The following DDX42 variants were observed in gnomAD, a reference collection of about 807,000 sequenced individuals.
DDX42 encodes ATP-dependent RNA helicase DDX42.
In DDX42, 22 loss-of-function variants were observed where a neutral mutation model predicts 101.5. The observed-to-expected ratio is 0.22, with a 90% CI of 0.15 to 0.31. DDX42 has a LOEUF of 0.31. DDX42 is among the 10% of genes least tolerant of loss of function. DDX42 has a pLI of 1.00. For synonymous variants in DDX42, 402 were observed against 401.2 expected (o/e 1.00, Z -0.02); for missense variants, 849 against 1,199.9 (o/e 0.71, Z 4.32).
At chr17:63,804,484 G>A (rs891555656) in intron 6 of DDX42, among the ~76,000 whole-genome samples, 3 of 152,128 alleles carry the variant, frequency 2.0e-5, no homozygotes, top group African/African-American at 7.2e-5. Flanking sequence ...CCCTCTAAAA[G>A]CAGAGCTATC....
chr17:63,775,848 A>AT (rs2039414704), intron 1 of DDX42, among the ~76,000 whole-genome samples: 1 of 152,218 alleles, frequency 6.6e-6, no homozygotes, highest in African/African-American at 2.4e-5. Flanking sequence ...ACAATTTAAT[A>AT]TAAGAGAGGA....
chr17:63,795,091 GA>G (rs1389854518), intron 3 of DDX42, among the ~76,000 whole-genome samples: 11 of 152,132 alleles, frequency 7.2e-5, no homozygotes, highest in Admixed American at 5.2e-4. Flanking sequence ...GTTTGGCCTA[GA>G]CATTGCTTTT....
intron 11 of DDX42, 140 bp downstream of exon 11, chr17:63,809,799 GA>G (rs1279907095): frequency 1.6e-6 from 1 of 634,274 alleles, no homozygotes; most frequent in Non-Finnish European, 2.7e-6. Flanking sequence ...ATATAGCTAA[GA>G]TGAACATTTT....
Position 63,813,440 on chromosome 17 carries a change from G to A in DDX42, c.1888G>A (p.Asp630Asn). ...ANQHVSKELL[D>N]LAMQNAWFRK... ...TCAACACGTTTCTAAGGAACTCCTAGATCTGGCAATGCAGGTGAGGGGCTG... is the reference window on the plus strand; with the variant it reads ...TCAACACGTTTCTAAGGAACTCCTAAATCTGGCAATGCAGGTGAGGGGCTG... Residue 630 changes from aspartate to asparagine, a missense_variant, in exon 15 of 18, where the codon GAT becomes AAT. Around this residue, in one of 5 missense-constraint regions of DDX42, gnomAD observed 86 missense variants for 160.8 expected, o/e 0.53. Coordinates refer to ENST00000389924, the MANE Select transcript of DDX42 (RefSeq NM_203499.3). 6.2e-7 allele frequency: 1 copy of A among 1,614,004 alleles called. No homozygotes were observed. Among genetic ancestry groups the A allele is most frequent in the Non-Finnish European group, 8.5e-7 (1 of 1,179,952 alleles).
At chr17:63,817,636 T>C in intron 17 of DDX42, 58 bp from the exon 18 acceptor site, 3 of 1,533,704 alleles carry the variant, frequency 2.0e-6, no homozygotes, top group Non-Finnish European at 2.7e-6. Flanking sequence ...CCAAGTTGTA[T>C]ATTCAAGTTT....
intron 3 of DDX42, among the ~76,000 whole-genome samples, chr17:63,796,770 GT>G (rs2039698250): frequency 1.3e-5 from 2 of 152,172 alleles, no homozygotes; most frequent in Admixed American, 1.3e-4. Flanking sequence ...CATTGCTTAT[GT>G]CATCTTCAGT....
chr17:63,774,342 G>T lies in DDX42; in HGVS notation c.-51G>T. ...GCTCCGGGATTCGCTCCGCGCCCGC[G>T]GTTGTAGCAGCTGCCGCTGCAGCCA... is the stretch of plus-strand genomic sequence containing the variant. On this transcript the variant is annotated 5_prime_UTR_variant, in exon 1 of 18. Coordinates refer to ENST00000389924, the MANE Select transcript of DDX42 (RefSeq NM_203499.3). 3 of 250,082 alleles carry T rather than the reference G, an allele frequency of 1.2e-5. 1 individual carries two copies. The allele number at this position is 250,082 out of a possible 1,614,324, so 15.5% of individuals were successfully genotyped here.
At chr17:63,807,289 C>T (rs1475351588) in intron 8 of DDX42, among the ~76,000 whole-genome samples, 13 of 152,006 alleles carry the variant, frequency 8.6e-5, no homozygotes, top group African/African-American at 2.9e-4. Flanking sequence ...TACAGGCGCA[C>T]GCCAGCACAC....
chr17:63,802,028 A>G (rs1239475663), intron 6 of DDX42, among the ~76,000 whole-genome samples: 1 of 152,220 alleles, frequency 6.6e-6, no homozygotes, highest in Non-Finnish European at 1.5e-5. Context: ...ACTTTTCATT[A>G]TACCAAGATT....
At chr17:63,814,609 A>G (rs970010011) in intron 15 of DDX42, among the ~76,000 whole-genome samples, 1 of 150,832 alleles carries the variant, frequency 6.6e-6, no homozygotes, top group Non-Finnish European at 1.5e-5. Context: ...CCTACCTCTC[A>G]AGCACTTTAT....
intron 11 of DDX42, 56 bp downstream of exon 11, chr17:63,809,715 T>C (rs1203612420): frequency 1.1e-5 from 15 of 1,410,934 alleles, no homozygotes; most frequent in Non-Finnish European, 1.3e-5. Context: ...TAGTTTTTTT[T>C]CCATGTCTTT....
chr17:63,818,253 A>T lies in DDX42; in HGVS notation c.2672A>T (p.Asn891Ile), dbSNP rs202100342. 75 of 1,614,150 alleles carry T rather than the reference A, an allele frequency of 4.6e-5. 1 individual carries two copies. The highest frequency in any genetic ancestry group is 1.6e-4 in the South Asian group (15 of 91,078). Residue 891 changes from asparagine (N) to isoleucine (I), a missense_variant, in exon 18 of 18, where the codon AAT (asparagine) becomes ATT (isoleucine). By Grantham distance (149) the Asn-to-Ile change is moderately radical. Around this residue, in one of 5 missense-constraint regions of DDX42, gnomAD observed 300 missense variants for 304.9 expected, o/e 0.98. Coordinates refer to ENST00000389924, the MANE Select transcript of DDX42 (RefSeq NM_203499.3). ...RNGESRKEAF[N>I]RESKMEPKME... ...GGGGAAAGCAGGAAAGAAGCTTTTA[A>T]TCGTGAGAGCAAGATGGAGCCCAAG... is the stretch of plus-strand genomic sequence containing the variant.
rs1227191304 is a variant in DDX42, at chr17:63,780,605, T to A, written c.-17+6229T>A. 3.3e-5 allele frequency among the ~76,000 whole-genome samples: 5 copies of A among 152,162 alleles called. No individual in the cohort carries two copies. In the South Asian group the frequency reaches 1.0e-3, roughly 32 times the overall value. On this transcript the variant is annotated intron_variant, in intron 1 of 17. Coordinates refer to ENST00000389924, the MANE Select transcript of DDX42 (RefSeq NM_203499.3). ...ACTCAGGGTATATAGAAAGCACAGT[T>A]CCTTGGCCTTCCTAGAGTCAGTAAT...
chr17:63,795,206 T>C lies in DDX42; in HGVS notation c.372+2644T>C, dbSNP rs112799082. ...AATATACTAAGTCTGTGTTTTTGTGTGGCAGAAAGAGGCTATTGCTGAGCA... is the reference window on the plus strand; with the variant it reads ...AATATACTAAGTCTGTGTTTTTGTGCGGCAGAAAGAGGCTATTGCTGAGCA... On this transcript the variant is annotated intron_variant, in intron 3 of 17. Transcript: ENST00000389924. 7.0e-3 allele frequency among the ~76,000 whole-genome samples: 1,059 copies of C among 152,332 alleles called. 10 individuals are homozygous for C. Among genetic ancestry groups the C allele is most frequent in the African/African-American group, 0.023 (961 of 41,586 alleles).
At chr17:63,789,269 C>T (rs1017038418) in intron 2 of DDX42, among the ~76,000 whole-genome samples, 12 of 151,532 alleles carry the variant, frequency 7.9e-5, no homozygotes, top group East Asian at 1.9e-4. Flanking sequence ...AGTAGAAACG[C>T]GGTTTCACCA....
At chr17:63,807,359 T>C (rs563611479) in intron 8 of DDX42, among the ~76,000 whole-genome samples, 2 of 152,348 alleles carry the variant, frequency 1.3e-5, no homozygotes, top group South Asian at 2.1e-4. Flanking sequence ...CAGGCTGGTC[T>C]CGAGCTCCTG....
chr17:63,787,222 C>T lies in DDX42; in HGVS notation c.173C>T (p.Ser58Phe). The T allele has an allele frequency of 6.2e-7, 1 of 1,614,212 alleles. No individual in the cohort carries two copies. Among genetic ancestry groups the T allele is most frequent in the Non-Finnish European group, 8.5e-7 (1 of 1,180,028 alleles). Residue 58 changes from serine to phenylalanine, a missense_variant, in exon 2 of 18, where the codon TCT becomes TTT. By Grantham distance (155) the Ser-to-Phe change is radical. Around this residue, in one of 5 missense-constraint regions of DDX42, gnomAD observed 92 missense variants for 106.7 expected, o/e 0.86. Coordinates refer to ENST00000389924, the MANE Select transcript of DDX42 (RefSeq NM_203499.3). ...FGKSAPPQLP[S>F]FYKIGSKRAN... ...AAGTCAGCTCCACCACAGCTTCCTT[C>T]TTTCTACAAAATTGGATCTAAGCGG...
At chr17:63,810,661 C>A (rs2039899139) in intron 12 of DDX42, 101 bp downstream of exon 12, 3 of 1,189,346 alleles carry the variant, frequency 2.5e-6, no homozygotes, top group South Asian at 1.2e-5. Flanking sequence ...GATCTTGTGT[C>A]TGTTGGTGAG....
intron 1 of DDX42, among the ~76,000 whole-genome samples, chr17:63,782,204 G>A (rs1338259870): frequency 2.2e-4 from 34 of 152,142 alleles, no homozygotes; most frequent in Admixed American, 2.2e-3. Flanking sequence ...CTTGAACTCA[G>A]GAGGCGGAGG....
Sources: gnomAD v4.1 joint callset for allele counts (sites outside exome capture counted in the v4.1 genomes callset) on GRCh38, gnomAD v4.1.1 for gene constraint, gnomAD v4.1.1 regional missense constraint, MANE v1.5 for transcripts, NCBI Gene and HGNC (gene_info 2026-07-23, HGNC 2026-07-21) for gene names.